The following SCLT1 variants were observed in gnomAD, a reference collection of about 807,000 sequenced individuals.
The protein encoded by SCLT1 is sodium channel and clathrin linker 1.
SCLT1 carries 78 observed loss-of-function variants against 112.8 expected under a neutral mutation model. That is an observed-to-expected ratio of 0.69 (90% CI 0.58 to 0.83). The LOEUF is 0.83. SCLT1 is among the 40% of genes least tolerant of loss of function. The pLI, the probability that SCLT1 is intolerant of heterozygous loss-of-function variation, is 0.00. For synonymous variants in SCLT1, 257 were observed against 254.7 expected (o/e 1.01, Z -0.09); for missense variants, 747 against 770.4 (o/e 0.97, Z 0.36).
chr4:128,996,701 C>A (rs572034968), intron 8 of SCLT1, among the ~76,000 whole-genome samples: 1 of 152,204 alleles, frequency 6.6e-6, no homozygotes, highest in East Asian at 1.9e-4. Context: ...TTATAAAACT[C>A]TCTTTTATTC....
chr4:129,088,924 ATT>A (rs1752615245), intron 1 of SCLT1, among the ~76,000 whole-genome samples: 1 of 152,200 alleles, frequency 6.6e-6, no homozygotes, highest in Non-Finnish European at 1.5e-5. Flanking sequence ...AGGCAATACC[ATT>A]CAGGACACAG....
intron 18 of SCLT1, among the ~76,000 whole-genome samples, chr4:128,893,868 A>C (rs1733522463): frequency 6.6e-6 from 1 of 152,156 alleles, no homozygotes; most frequent in Admixed American, 6.5e-5. Flanking sequence ...ACATATGAGA[A>C]AATTAAAAAA....
chr4:129,057,754 T>A (rs1348332521), intron 2 of SCLT1, among the ~76,000 whole-genome samples: 20 of 146,814 alleles, frequency 1.4e-4, no homozygotes, highest in Admixed American at 1.3e-3. Flanking sequence ...TATTTCTTTT[T>A]TTTTTCTTTT....
chr4:129,078,993 AC>A (rs1390275358), intron 2 of SCLT1, among the ~76,000 whole-genome samples: 1 of 152,128 alleles, frequency 6.6e-6, no homozygotes, highest in Non-Finnish European at 1.5e-5. Context: ...GGGAGGTACT[AC>A]CCATTTATAA....
chr4:129,029,245 C>G (rs1746456795), intron 5 of SCLT1, among the ~76,000 whole-genome samples: 1 of 151,956 alleles, frequency 6.6e-6, no homozygotes, highest in Non-Finnish European at 1.5e-5. Flanking sequence ...TATTGCGGCA[C>G]TATTCACAAT....
At chr4:128,877,023 A>G (rs926283289) in intron 3 of SCLT1, among the ~76,000 whole-genome samples, 1 of 152,182 alleles carries the variant, frequency 6.6e-6, no homozygotes, top group Non-Finnish European at 1.5e-5. Context: ...TTTCCTTAAC[A>G]CAAGTCTTGC....
At chr4:129,006,081 G>A (rs1743985381) in intron 5 of SCLT1, among the ~76,000 whole-genome samples, 1 of 150,512 alleles carries the variant, frequency 6.6e-6, no homozygotes, top group African/African-American at 2.4e-5. Flanking sequence ...ACAAGTTAAT[G>A]GGTGCAGCAC....
intron 2 of SCLT1, among the ~76,000 whole-genome samples, chr4:129,062,793 C>A (rs1750109862): frequency 6.6e-6 from 1 of 152,080 alleles, no homozygotes. Flanking sequence ...GTTATAAGTC[C>A]TTTTCTCTTG....
intron 5 of SCLT1, among the ~76,000 whole-genome samples, chr4:129,029,119 C>T (rs1239269342): frequency 6.6e-6 from 1 of 152,116 alleles, no homozygotes; most frequent in Non-Finnish European, 1.5e-5. Flanking sequence ...GTAAGTGTGG[C>T]AATTCCTCAG....
In SCLT1 at chr4:128,992,166, C is replaced by T. The variant is rs780718062; in HGVS notation, c.686+1G>A. The stretch of plus-strand genomic sequence containing the variant: ...ATAATGAAACTCATTTTTGAAAATA[C>T]CTAAGTTTTTTTCGGAGTTGTTCGA... On this transcript the variant is annotated splice_donor_variant, in intron 9 of 20. Coordinates refer to ENST00000281142, the MANE Select transcript of SCLT1 (RefSeq NM_144643.4). LOFTEE classifies it high-confidence loss of function. 1.3e-6 allele frequency: 2 copies of T among 1,564,580 alleles called. No individual in the cohort carries two copies. The highest frequency in any genetic ancestry group is 1.8e-6 in the Non-Finnish European group (2 of 1,142,682).
intron 11 of SCLT1, among the ~76,000 whole-genome samples, chr4:128,963,110 C>G (rs944916786): frequency 6.6e-6 from 1 of 151,980 alleles, no homozygotes; most frequent in Non-Finnish European, 1.5e-5. Flanking sequence ...GGCAGCCAAC[C>G]AAGAGTCAAT....
chr4:129,020,877 A>G (rs1387778914), intron 5 of SCLT1, among the ~76,000 whole-genome samples: 1 of 152,222 alleles, frequency 6.6e-6, no homozygotes, highest in Non-Finnish European at 1.5e-5. Flanking sequence ...GTAGGTATAG[A>G]GTGGTAGAAG....
At chr4:129,086,680 A>C (rs1376072029) in intron 1 of SCLT1, among the ~76,000 whole-genome samples, 5 of 152,144 alleles carry the variant, frequency 3.3e-5, no homozygotes, top group Non-Finnish European at 2.9e-5. Context: ...GGGTATAATC[A>C]TATTAAGATT....
chr4:128,955,963 A>G (rs959976862), intron 13 of SCLT1, among the ~76,000 whole-genome samples: 6 of 152,172 alleles, frequency 3.9e-5, no homozygotes, highest in African/African-American at 1.4e-4. Context: ...CAGGAAATCA[A>G]CAGGAACACC....
At chr4:128,972,219 T>G (rs1399365155) in intron 9 of SCLT1, 2 of 151,868 alleles carry the variant, frequency 1.3e-5, no homozygotes, top group African/African-American at 4.8e-5. Flanking sequence ...AGGAAAAACT[T>G]AAGGAATAAT....
At chr4:129,012,786 CT>C (rs33941543) in intron 5 of SCLT1, among the ~76,000 whole-genome samples, 47 of 145,784 alleles carry the variant, frequency 3.2e-4, no homozygotes, top group Admixed American at 9.5e-4. Flanking sequence ...AATGCCATTT[CT>C]TTTTTTTTTT....
chr4:129,025,551 A>G (rs1426175531), intron 5 of SCLT1, among the ~76,000 whole-genome samples: 4 of 152,130 alleles, frequency 2.6e-5, no homozygotes, highest in Non-Finnish European at 5.9e-5. Flanking sequence ...TGAAGGAAGC[A>G]CTAAACATGG....
intron 5 of SCLT1, among the ~76,000 whole-genome samples, chr4:129,013,001 T>C (rs1356837207): frequency 2.0e-5 from 3 of 152,150 alleles, no homozygotes; most frequent in Non-Finnish European, 4.4e-5. Context: ...TTTTAACTTT[T>C]ATTTTAGTTT....
At chr4:129,050,257 T>C (rs1004714555) in intron 2 of SCLT1, among the ~76,000 whole-genome samples, 1 of 152,248 alleles carries the variant, frequency 6.6e-6, no homozygotes, top group Non-Finnish European at 1.5e-5. Flanking sequence ...TACACAGTAA[T>C]TGGATTGCTG....
Sources: allele counts gnomAD v4.1 joint callset (sites outside exome capture counted in the v4.1 genomes callset), GRCh38; gene constraint gnomAD v4.1.1; transcripts MANE v1.5; gene names NCBI Gene and HGNC (gene_info 2026-07-23, HGNC 2026-07-21).